NSMCE2: variants seen among roughly 807,000 people sequenced by gnomAD.
NSMCE2 encodes NSE2 SUMO ligase component of SMC5/6 complex.
NSMCE2 carries 24 observed loss-of-function variants against 23.8 expected under a neutral mutation model. The observed-to-expected ratio is 1.01, with a 90% confidence interval of 0.73 to 1.42. The LOEUF (loss-of-function observed/expected upper bound fraction) is 1.42. Among genes scored for constraint, NSMCE2 ranks in the 40% most tolerant of loss-of-function variants. The pLI, the probability that NSMCE2 is intolerant of heterozygous loss-of-function variation, is 0.00. For missense variants in NSMCE2, 284 were observed against 296.5 expected (o/e 0.96, Z 0.31); for synonymous variants, 92 against 94.1 (o/e 0.98, Z 0.13).
At chr8:125,347,667 A>G (rs2131342386) in intron 5 of NSMCE2, among the ~76,000 whole-genome samples, 1 of 152,374 alleles carries the variant, frequency 6.6e-6, no homozygotes, top group South Asian at 2.1e-4. Context: ...ACATGAAACA[A>G]CAGAATAAGA....
In NSMCE2 at chr8:125,320,112, G is replaced by A. The variant is rs534276300; in HGVS notation, c.419-37107G>A. Among the ~76,000 whole-genome samples the A allele has an allele frequency of 2.7e-5, 4 of 149,808 alleles. 1 individual carries two copies. The highest frequency in any genetic ancestry group is 9.9e-5 in the African/African-American group (4 of 40,540). On this transcript the variant is annotated intron_variant, in intron 5 of 7. Coordinates refer to ENST00000287437, the MANE Select transcript of NSMCE2 (RefSeq NM_173685.4). Reference sequence around the variant, plus strand: ...AATCGCTTGAACCCAGGAGGTGGAGGTTTCAATGAGCCGAGATCACACCAC... The same window carrying A: ...AATCGCTTGAACCCAGGAGGTGGAGATTTCAATGAGCCGAGATCACACCAC...
intron 5 of NSMCE2, among the ~76,000 whole-genome samples, chr8:125,324,642 T>C (rs1487340574): frequency 1.2e-4 from 12 of 96,100 alleles, no homozygotes; most frequent in African/African-American, 3.7e-4. Flanking sequence ...TGGCGCAATC[T>C]CGGCTCACTG....
chr8:125,098,937 T>G (rs1240166471), intron 1 of NSMCE2, among the ~76,000 whole-genome samples: 1 of 151,984 alleles, frequency 6.6e-6, no homozygotes, highest in African/African-American at 2.4e-5. Flanking sequence ...AAAAGAGAGA[T>G]CAGAGCACTG....
At chr8:125,262,038 A>G (rs1826713404) in intron 5 of NSMCE2, among the ~76,000 whole-genome samples, 1 of 152,150 alleles carries the variant, frequency 6.6e-6, no homozygotes, top group Non-Finnish European at 1.5e-5. Context: ...TGGAGGTTGC[A>G]GTGAATTGAG....
chr8:125,309,979 G>A (rs1457746531), intron 5 of NSMCE2, among the ~76,000 whole-genome samples: 2 of 152,210 alleles, frequency 1.3e-5, no homozygotes, highest in Admixed American at 1.3e-4. Context: ...CATGAAACAT[G>A]TAAGCTGGCA....
chr8:125,255,519 C>T (rs978495231), intron 5 of NSMCE2, among the ~76,000 whole-genome samples: 5 of 151,922 alleles, frequency 3.3e-5, no homozygotes, highest in African/African-American at 1.2e-4. Flanking sequence ...TAAAGGGTGG[C>T]GTGTTCTAGG....
At chr8:125,352,833 T>C (rs1006802559) in intron 5 of NSMCE2, among the ~76,000 whole-genome samples, 1 of 152,220 alleles carries the variant, frequency 6.6e-6, no homozygotes, top group Non-Finnish European at 1.5e-5. Flanking sequence ...CACTGGAGAA[T>C]CCCAACGCTA....
intron 5 of NSMCE2, among the ~76,000 whole-genome samples, chr8:125,304,894 AAG>A (rs1256945554): frequency 1.1e-4 from 17 of 151,614 alleles, no homozygotes; most frequent in African/African-American, 4.1e-4. Flanking sequence ...AAAAAAAAAA[AAG>A]AGAGAGAAAG....
At chr8:125,128,606 G>C (rs1819617866) in intron 3 of NSMCE2, among the ~76,000 whole-genome samples, 1 of 152,200 alleles carries the variant, frequency 6.6e-6, no homozygotes, top group Admixed American at 6.5e-5. Context: ...CAAGCCTGAA[G>C]TGAATCTTAA....
intron 5 of NSMCE2, among the ~76,000 whole-genome samples, chr8:125,276,841 G>C (rs1207549528): frequency 6.6e-6 from 1 of 152,164 alleles, no homozygotes; most frequent in Non-Finnish European, 1.5e-5. Flanking sequence ...TCACTGACCT[G>C]CCAAATGCCA....
chr8:125,271,782 CTG>C (rs2131089294), intron 5 of NSMCE2, among the ~76,000 whole-genome samples: 1 of 152,292 alleles, frequency 6.6e-6, no homozygotes, highest in South Asian at 2.1e-4. Context: ...TTTAATGACT[CTG>C]TAATCATGTG....
chr8:125,233,188 T>C (rs1186239823), intron 5 of NSMCE2, among the ~76,000 whole-genome samples: 1 of 152,210 alleles, frequency 6.6e-6, no homozygotes, highest in Non-Finnish European at 1.5e-5. Context: ...AATTTAGACT[T>C]TGGGAATACT....
At chr8:125,328,517 A>G (rs529870599) in intron 5 of NSMCE2, among the ~76,000 whole-genome samples, 6 of 152,282 alleles carry the variant, frequency 3.9e-5, no homozygotes, top group African/African-American at 1.4e-4. Context: ...GTAGATCTGG[A>G]CACCAAGGCC....
chr8:125,211,178 T>C (rs1195577425), intron 5 of NSMCE2, among the ~76,000 whole-genome samples: 1 of 152,234 alleles, frequency 6.6e-6, no homozygotes, highest in Non-Finnish European at 1.5e-5. Flanking sequence ...TGCTCTTCTT[T>C]AAAGGTTTTA....
intron 5 of NSMCE2, among the ~76,000 whole-genome samples, chr8:125,270,390 A>C (rs962595206): frequency 2.0e-5 from 3 of 152,094 alleles, no homozygotes; most frequent in African/African-American, 7.2e-5. Context: ...ACTTGAACCC[A>C]GGAGGTGGAG....
At chr8:125,275,008 A>G (rs1217261816) in intron 5 of NSMCE2, among the ~76,000 whole-genome samples, 54 of 82,294 alleles carry the variant, frequency 6.6e-4, no homozygotes, top group East Asian at 1.1e-3. Flanking sequence ...TGATAATAAT[A>G]ATAATAATAA....
chr8:125,256,922 CAAAAAAAAAAAAAAA>C (rs60308659), intron 5 of NSMCE2, among the ~76,000 whole-genome samples: 293 of 26,052 alleles, frequency 0.011, 2 homozygotes, highest in Middle Eastern at 0.077. Context: ...GACTCTGTGT[CAAAAAAAAAAAAAAA>C]AAAAAAAAAA....
chr8:125,212,995 A>G (rs1211664348), intron 5 of NSMCE2, among the ~76,000 whole-genome samples: 1 of 152,200 alleles, frequency 6.6e-6, no homozygotes, highest in Non-Finnish European at 1.5e-5. Context: ...TAAAAAAATC[A>G]ATATGTAATA....
chr8:125,267,160 G>C (rs527381411), intron 5 of NSMCE2, among the ~76,000 whole-genome samples: 17 of 151,756 alleles, frequency 1.1e-4, no homozygotes, highest in African/African-American at 3.9e-4. Flanking sequence ...GGCACGCACT[G>C]CCACGCCCGG....
Sources: gnomAD v4.1 joint callset for allele counts (sites outside exome capture counted in the v4.1 genomes callset) on GRCh38, gnomAD v4.1.1 for gene constraint, MANE v1.5 for transcripts, NCBI Gene and HGNC (gene_info 2026-07-23, HGNC 2026-07-21) for gene names.